Variants in MOCS3 observed in about 807,000 individuals in gnomAD.
MOCS3 encodes the protein molybdenum cofactor synthesis 3.
In MOCS3, 9 loss-of-function variants were observed where a neutral mutation model predicts 8.4. The ratio of observed to expected loss-of-function variants is 1.07; its 90% CI spans 0.65 to 1.87. MOCS3 has a LOEUF of 1.87. MOCS3 is among the 40% of genes most tolerant of loss of function. The pLI is 0.00. For missense variants in MOCS3, 581 were observed against 599.7 expected, an observed-to-expected ratio of 0.97 and a Z score of 0.33; for synonymous variants, 294 against 272.0, an observed-to-expected ratio of 1.08 and a Z score of -0.80.
In MOCS3 at chr20:50,961,057, T is replaced by C. The variant is rs1284931632; in HGVS notation, c.*832T>C. 6.0e-6 allele frequency: 1 copy of C among 167,116 alleles called. No homozygotes were observed. Among genetic ancestry groups the C allele is most frequent in the Non-Finnish European group, 1.5e-5 (1 of 68,126 alleles). 10.4% of individuals were successfully genotyped at this position (167,116 alleles called of 1,614,324 possible). ...ACACCCTCCCGAGATCTTTAAAGTT[T>C]ACCAAAATAAAGGAAACCACCTTTG... On this transcript the variant is annotated 3_prime_UTR_variant, in exon 1 of 1. Transcript: ENST00000244051.
rs1335146967 is a variant in MOCS3 at position 50,959,865 on chromosome 20, T to C, written c.1023T>C (p.Tyr341=). 10 of 1,614,110 alleles carry C rather than the reference T, an allele frequency of 6.2e-6. No homozygotes were observed. Among genetic ancestry groups the C allele is most frequent in the Non-Finnish European group, 8.5e-6 (10 of 1,180,008 alleles). ...AGGAGCGTGTTTCTGTCACCGACTA[T>C]AAGCGACTGCTGGATTCTGGGGCAT... ...SPEERVSVTD[Y]KRLLDSGAFH... Residue 341 remains tyrosine, a synonymous_variant, in exon 1 of 1, where the codon TAT becomes TAC. Transcript: ENST00000244051.
In MOCS3 at chr20:50,963,087, T is replaced by G. The variant is rs1033638575; in HGVS notation, c.*2862T>G. 1.3e-5 allele frequency: 2 copies of G among 152,128 alleles called. No individual in the cohort carries two copies. The highest frequency in any genetic ancestry group is 4.8e-5 in the African/African-American group (2 of 41,422). The allele number at this position is 152,128 out of a possible 1,614,324, so 9.4% of individuals were successfully genotyped here. ...TGTATGCCACCATGCCTAGCCATTT[T>G]TTAATTTAAAAATTTTTTGGTAGCA... is the stretch of plus-strand genomic sequence containing the variant. On this transcript the variant is annotated 3_prime_UTR_variant, in exon 1 of 1. Coordinates refer to ENST00000244051, the MANE Select transcript of MOCS3 (RefSeq NM_014484.5).
At position 50,959,387 on chromosome 20, in the gene MOCS3, A is replaced by G; in HGVS notation, c.545A>G (p.Asn182Ser). ...RYDVVADCSD[N>S]VPTRYLVNDA... ...GATGTGGTGGCTGACTGCTCGGACA[A>G]CGTGCCCACTCGCTACCTGGTTAAT... Residue 182 changes from asparagine (N) to serine (S), a missense_variant, in exon 1 of 1, where the codon AAC (asparagine) becomes AGC (serine). Physicochemically the swap from Asn to Ser is conservative, Grantham distance 46. Transcript: ENST00000244051. 4 of 1,613,044 alleles carry G rather than the reference A, an allele frequency of 2.5e-6. No individual in the cohort carries two copies. The highest frequency in any genetic ancestry group is 2.5e-6 in the Non-Finnish European group (3 of 1,179,462).
chr20:50,960,272 C>T lies in MOCS3; in HGVS notation c.*47C>T, dbSNP rs1327279616. On this transcript the variant is annotated 3_prime_UTR_variant, in exon 1 of 1. Coordinates refer to ENST00000244051, the MANE Select transcript of MOCS3 (RefSeq NM_014484.5). ...AGAAAGATGTGGATTGCCATAATAC[C>T]TCAAAGATACACTTGTTTGCATTTT... 1.3e-6 allele frequency: 2 copies of T among 1,529,670 alleles called. No homozygotes were observed. The highest frequency in any genetic ancestry group is 1.8e-6 in the Non-Finnish European group (2 of 1,136,096). The allele number at this position is 1,529,670 out of a possible 1,614,324, so 94.8% of individuals were successfully genotyped here. A position where few individuals can be genotyped will look rare whatever the true frequency, so the allele number is the denominator to read the frequency against.
At position 50,963,358 on chromosome 20, in the gene MOCS3, GATAAGTAA is replaced by G. The variant is rs933234631; in HGVS notation, c.*3136_*3143del. 9 of 151,208 alleles carry G rather than the reference GATAAGTAA, an allele frequency of 6.0e-5. No homozygotes were observed. The highest frequency in any genetic ancestry group is 2.2e-4 in the African/African-American group (9 of 41,080). The allele number at this position is 151,208 out of a possible 1,614,324, so 9.4% of individuals were successfully genotyped here. On this transcript the variant is annotated 3_prime_UTR_variant, in exon 1 of 1. Coordinates refer to ENST00000244051, the MANE Select transcript of MOCS3 (RefSeq NM_014484.5). ...GTAGAGGAGTTTATATTTAAATGGTGATAAGTAAATTACTGATAAGTGCCATAAAAGAA... is the reference window on the plus strand; with the variant it reads ...GTAGAGGAGTTTATATTTAAATGGTGATTACTGATAAGTGCCATAAAAGAA...
rs374342192 is a variant in MOCS3 at position 50,959,665 on chromosome 20, T to C, written c.823T>C (p.Leu275=). The C allele has an allele frequency of 3.0e-5, 49 of 1,614,240 alleles. No individual in the cohort carries two copies. In the African/African-American group the frequency reaches 5.6e-4, roughly 18 times the overall value. Residue 275 remains leucine (L), a synonymous_variant, in exon 1 of 1, where the codon TTG becomes CTG. Coordinates refer to ENST00000244051, the MANE Select transcript of MOCS3 (RefSeq NM_014484.5). ...AGLGPSYSGS[L]LLFDALRGHF... ...TCTGGGCCCCTCTTACAGTGGCAGC[T>C]TGTTGCTCTTTGATGCCCTGAGAGG...
rs571564394 is a variant in MOCS3, at chr20:50,958,867, G to C, written c.25G>C (p.Ala9Pro). MASREEVL[A>P]LQAEVAQREE... is the part of the protein sequence containing the mutation. ...CATGGCTTCCCGGGAGGAGGTACTCGCCTTACAAGCTGAAGTTGCCCAACG... is the reference window on the plus strand; with the variant it reads ...CATGGCTTCCCGGGAGGAGGTACTCCCCTTACAAGCTGAAGTTGCCCAACG... Residue 9 changes from alanine to proline, a missense_variant, in exon 1 of 1, where the codon GCC (alanine) becomes CCC (proline). Coordinates refer to ENST00000244051, the MANE Select transcript of MOCS3 (RefSeq NM_014484.5). 6.3e-7 allele frequency: 1 copy of C among 1,595,922 alleles called. No homozygotes were observed. The highest frequency in any genetic ancestry group is 8.6e-7 in the Non-Finnish European group (1 of 1,166,504).
Position 50,959,471 on chromosome 20 carries a change from G to A in MOCS3, c.629G>A (p.Gly210Asp), listed in dbSNP as rs777111395. ...LVSASALRFE[G>D]QITVYHYDGG... ...TCTGCCAGTGCCTTGCGCTTCGAGGGCCAAATCACAGTCTACCATTATGAC... is the reference window on the plus strand; with the variant it reads ...TCTGCCAGTGCCTTGCGCTTCGAGGACCAAATCACAGTCTACCATTATGAC... The change falls in exon 1 of 1, where the codon GGC (glycine) becomes GAC (aspartate). Residue 210 changes from glycine to aspartate, a missense_variant. Coordinates refer to ENST00000244051, the MANE Select transcript of MOCS3 (RefSeq NM_014484.5). 18 of 1,613,906 alleles carry A rather than the reference G, an allele frequency of 1.1e-5. No individual in the cohort carries two copies. In the South Asian group the frequency reaches 1.9e-4, roughly 17 times the overall value.
Position 50,959,965 on chromosome 20 carries a change from C to G in MOCS3, c.1123C>G (p.Leu375Val). The change falls in exon 1 of 1, where the codon CTG becomes GTG. Residue 375 changes from leucine (L) to valine (V), a missense_variant. Coordinates refer to ENST00000244051, the MANE Select transcript of MOCS3 (RefSeq NM_014484.5). ...CRLPHALHIP[L>V]KHLERRDAES... ...TTTGCCTCATGCCCTACACATCCCT[C>G]TGAAACATTTGGAACGCAGGGATGC... 6.2e-7 allele frequency: 1 copy of G among 1,614,264 alleles called. No individual in the cohort carries two copies. The highest frequency in any genetic ancestry group is 1.6e-4 in the Middle Eastern group (1 of 6,062).
Position 50,959,011 on chromosome 20 carries a change from C to T in MOCS3, c.169C>T (p.Arg57Ter). The change falls in exon 1 of 1, where the codon CGA becomes TGA. Residue 57 changes from arginine (R) to a stop codon, truncating the protein, a stop_gained. Coordinates refer to ENST00000244051, the MANE Select transcript of MOCS3 (RefSeq NM_014484.5). LOFTEE classifies it low-confidence loss of function (END_TRUNC). ...SPLPPKAALS[R>*]DEILRYSRQL... is the part of the protein sequence containing the mutation. Reference sequence around the variant, plus strand: ...GCTGCCGCCGAAGGCCGCTCTGTCCCGAGATGAGATTCTGCGCTATAGCCG... The same window carrying T: ...GCTGCCGCCGAAGGCCGCTCTGTCCTGAGATGAGATTCTGCGCTATAGCCG... The T allele has an allele frequency of 1.2e-6, 2 of 1,612,016 alleles. No homozygotes were observed. Among genetic ancestry groups the T allele is most frequent in the Non-Finnish European group, 1.7e-6 (2 of 1,179,028 alleles).
In MOCS3 at chr20:50,960,713, T is replaced by C. The variant is rs2123162775; in HGVS notation, c.*488T>C. The C allele has an allele frequency of 6.0e-6, 1 of 167,462 alleles. No homozygotes were observed. The highest frequency in any genetic ancestry group is 2.1e-4 in the South Asian group (1 of 4,846). The allele number at this position is 167,462 out of a possible 1,614,324, so 10.4% of individuals were successfully genotyped here. On this transcript the variant is annotated 3_prime_UTR_variant, in exon 1 of 1. Coordinates refer to ENST00000244051, the MANE Select transcript of MOCS3 (RefSeq NM_014484.5). ...TAATTATTCAGAAAGAGGGTCATTC[T>C]ATTTGGCCTTTTGAATTAGTATCAA...
In MOCS3 at chr20:50,959,964, T is replaced by A; in HGVS notation, c.1122T>A (p.Pro374=). ...ICRLPHALHI[P]LKHLERRDAE... ...GTTTGCCTCATGCCCTACACATCCC[T>A]CTGAAACATTTGGAACGCAGGGATG... is the stretch of plus-strand genomic sequence containing the variant. Residue 374 remains proline, a synonymous_variant, in exon 1 of 1, where the codon CCT becomes CCA. Coordinates refer to ENST00000244051, the MANE Select transcript of MOCS3 (RefSeq NM_014484.5). The A allele has an allele frequency of 6.2e-7, 1 of 1,614,238 alleles. No homozygotes were observed. The highest frequency in any genetic ancestry group is 8.5e-7 in the Non-Finnish European group (1 of 1,180,038).
In MOCS3 at chr20:50,959,503, C is replaced by T. The variant is rs147078777; in HGVS notation, c.661C>T (p.Pro221Ser). ...CACAGTCTACCATTATGACGGTGGC[C>T]CTTGCTATCGCTGCATATTCCCCCA... ...QITVYHYDGG[P>S]CYRCIFPQPP... Residue 221 changes from proline to serine, a missense_variant, in exon 1 of 1, where the codon CCT (proline) becomes TCT (serine). Physicochemically the swap from Pro to Ser is moderately conservative, Grantham distance 74. Transcript: ENST00000244051. 1 of 1,614,150 alleles carries T rather than the reference C, an allele frequency of 6.2e-7. No individual in the cohort carries two copies. The highest frequency in any genetic ancestry group is 1.3e-5 in the African/African-American group (1 of 75,050).
rs1987041018 is a variant in MOCS3 at position 50,959,646 on chromosome 20, C to T, written c.804C>T (p.Gly268=). The change falls in exon 1 of 1, where the codon GGC becomes GGT. Residue 268 remains glycine (G), a synonymous_variant. Coordinates refer to ENST00000244051, the MANE Select transcript of MOCS3 (RefSeq NM_014484.5). ...LEVLKIAAGL[G]PSYSGSLLLF... The stretch of plus-strand genomic sequence containing the variant: ...TGCTGAAAATCGCTGCGGGTCTGGG[C>T]CCCTCTTACAGTGGCAGCTTGTTGC... 2 of 1,614,194 alleles carry T rather than the reference C, an allele frequency of 1.2e-6. No individual in the cohort carries two copies. The highest frequency in any genetic ancestry group is 8.5e-7 in the Non-Finnish European group (1 of 1,180,032).
rs1170774453 is a variant in MOCS3 at position 50,959,454 on chromosome 20, T to G, written c.612T>G (p.Ser204Arg). The change falls in exon 1 of 1, where the codon AGT becomes AGG. Residue 204 changes from serine to arginine, a missense_variant. By Grantham distance (110) the Ser-to-Arg change is moderately radical (BLOSUM62 -1). Transcript: ENST00000244051. The part of the protein sequence containing the change: ...VLAGRPLVSA[S>R]ALRFEGQITV... ...CGGGTCGGCCCCTCGTGTCTGCCAG[T>G]GCCTTGCGCTTCGAGGGCCAAATCA... 3.3e-5 allele frequency: 53 copies of G among 1,613,850 alleles called. No homozygotes were observed. The highest frequency in any genetic ancestry group is 4.5e-5 in the Non-Finnish European group (53 of 1,180,032).
At position 50,958,978 on chromosome 20, in the gene MOCS3, G is replaced by A; in HGVS notation, c.136G>A (p.Val46Met). The A allele has an allele frequency of 6.2e-7, 1 of 1,609,968 alleles. No homozygotes were observed. Among genetic ancestry groups the A allele is most frequent in the Non-Finnish European group, 8.5e-7 (1 of 1,177,478 alleles). Residue 46 changes from valine (V) to methionine (M), a missense_variant, in exon 1 of 1, where the codon GTG becomes ATG. Transcript: ENST00000244051. ...ACCGCAGCCAGAACGGCTGGTTCCG[G>A]TGTCGCCGCTGCCGCCGAAGGCCGC... is the stretch of plus-strand genomic sequence containing the variant. ...QEPQPERLVP[V>M]SPLPPKAALS...
In MOCS3 at chr20:50,959,672, T is replaced by A. The variant is rs766162271; in HGVS notation, c.830T>A (p.Leu277His). Residue 277 changes from leucine (L) to histidine (H), a missense_variant, in exon 1 of 1, where the codon CTC (leucine) becomes CAC (histidine). Leu to His is a moderately conservative substitution (Grantham distance 99, BLOSUM62 -3). Coordinates refer to ENST00000244051, the MANE Select transcript of MOCS3 (RefSeq NM_014484.5). ...CCCTCTTACAGTGGCAGCTTGTTGC[T>A]CTTTGATGCCCTGAGAGGGCATTTC... ...LGPSYSGSLL[L>H]FDALRGHFRS... 2.5e-5 allele frequency: 40 copies of A among 1,614,076 alleles called. No homozygotes were observed. Among genetic ancestry groups the A allele is most frequent in the Non-Finnish European group, 3.3e-5 (39 of 1,180,028 alleles).
rs1383544769 is a variant in MOCS3, at chr20:50,959,497, G to C, written c.655G>C (p.Gly219Arg). 1.2e-6 allele frequency: 2 copies of C among 1,613,990 alleles called. No homozygotes were observed. Among genetic ancestry groups the C allele is most frequent in the Non-Finnish European group, 1.7e-6 (2 of 1,180,038 alleles). Residue 219 changes from glycine (G) to arginine (R), a missense_variant, in exon 1 of 1, where the codon GGT becomes CGT. Coordinates refer to ENST00000244051, the MANE Select transcript of MOCS3 (RefSeq NM_014484.5). ...EGQITVYHYD[G>R]GPCYRCIFPQ... The stretch of plus-strand genomic sequence containing the variant: ...CCAAATCACAGTCTACCATTATGAC[G>C]GTGGCCCTTGCTATCGCTGCATATT...
In MOCS3 at chr20:50,959,783, C is replaced by A; in HGVS notation, c.941C>A (p.Ala314Asp). 3.1e-6 allele frequency: 5 copies of A among 1,614,244 alleles called. No homozygotes were observed. Among genetic ancestry groups the A allele is most frequent in the Non-Finnish European group, 4.2e-6 (5 of 1,180,044 alleles). Residue 314 changes from alanine (A) to aspartate (D), a missense_variant, in exon 1 of 1, where the codon GCC becomes GAC. Ala to Asp is a moderately radical substitution (Grantham distance 126). Transcript: ENST00000244051. ...GTGACTGATCTGCTGGACTATGAAG[C>A]CTTCTGTGGCTCCTCAGCCACTGAT... Reference protein sequence around the residue: ...PTVTDLLDYEAFCGSSATDKC... With the variant: ...PTVTDLLDYEDFCGSSATDKC...
Sources: gnomAD v4.1 joint callset for allele counts on GRCh38, gnomAD v4.1.1 for gene constraint, MANE v1.5 for transcripts, NCBI Gene and HGNC (gene_info 2026-07-23, HGNC 2026-07-21) for gene names.